The following DDX31 variants were observed in gnomAD, a reference collection of about 807,000 sequenced individuals.
DDX31 encodes the protein ATP-dependent DNA helicase DDX31.
DDX31 carries 70 observed loss-of-function variants against 91.3 expected under a neutral mutation model. That is an observed-to-expected ratio of 0.77 (90% CI 0.63 to 0.94). The LOEUF is 0.94. Ranked by LOEUF, DDX31 falls within the 40% of genes least tolerant of loss-of-function variation. The pLI, the probability that DDX31 is intolerant of heterozygous loss-of-function variation, is 0.00. For synonymous variants in DDX31, 362 were observed against 350.6 expected, an observed-to-expected ratio of 1.03 and a Z score of -0.36; for missense variants, 902 against 925.0, an observed-to-expected ratio of 0.98 and a Z score of 0.32.
Position 132,662,306 on chromosome 9 carries a change from C to T in DDX31, c.363G>A (p.Val121=). 6.2e-7 allele frequency: 1 copy of T among 1,614,204 alleles called. No homozygotes were observed. The highest frequency in any genetic ancestry group is 1.1e-5 in the South Asian group (1 of 91,084). Residue 121 remains valine, a synonymous_variant, in exon 3 of 20, where the codon GTG becomes GTA. Transcript: ENST00000372159. ...RPVVKQVQEK[V]FTSAAFHELG... ...GCTCATGAAAAGCAGCTGAAGTAAA[C>T]ACTTTTTCTTGCACCTGCTTTACCA... is the stretch of plus-strand genomic sequence containing the variant.
chr9:132,654,588 G>A (rs1237119967), intron 6 of DDX31, among the ~76,000 whole-genome samples: 2 of 152,262 alleles, frequency 1.3e-5, no homozygotes, highest in South Asian at 2.1e-4. Flanking sequence ...ACTCCAGCCT[G>A]GGCGACAGAG....
intron 1 of DDX31, among the ~76,000 whole-genome samples, chr9:132,669,271 C>T (rs1835549770): frequency 7.8e-6 from 1 of 128,606 alleles, no homozygotes; most frequent in Non-Finnish European, 1.6e-5. Flanking sequence ...CCCCAAAGAA[C>T]AGCTTTGCAA....
At chr9:132,619,456 G>A (rs990233551) in intron 17 of DDX31, among the ~76,000 whole-genome samples, 6 of 152,242 alleles carry the variant, frequency 3.9e-5, no homozygotes, top group South Asian at 2.1e-4. Flanking sequence ...GACGGTGTAT[G>A]AGCGCCTGCA....
At chr9:132,615,453 G>A (rs138687286) in intron 18 of DDX31, among the ~76,000 whole-genome samples, 1 of 152,264 alleles carries the variant, frequency 6.6e-6, no homozygotes, top group Non-Finnish European at 1.5e-5. Context: ...AAGGATGGAG[G>A]AAAAGGAGGT....
In DDX31 at chr9:132,593,408, C is replaced by T. The variant is rs529410039; in HGVS notation, c.*1458G>A. On this transcript the variant is annotated 3_prime_UTR_variant, in exon 20 of 20. Transcript: ENST00000372159. ...CCTTTTCTCATCCAAATCATGTGAA[C>T]CATTACACATCGAAATAAAAGAAAG... The T allele has an allele frequency of 3.3e-5, 5 of 152,310 alleles. No individual in the cohort carries two copies. Among genetic ancestry groups the T allele is most frequent in the African/African-American group, 1.2e-4 (5 of 41,550 alleles). 9.4% of individuals were successfully genotyped at this position (152,310 alleles called of 1,614,324 possible).
intron 1 of DDX31, among the ~76,000 whole-genome samples, chr9:132,665,043 T>C (rs528234286): frequency 5.3e-5 from 8 of 152,308 alleles, no homozygotes; most frequent in East Asian, 1.9e-4. Flanking sequence ...TTCTCCTCCA[T>C]AGCATTCGAC....
intron 16 of DDX31, among the ~76,000 whole-genome samples, chr9:132,630,017 G>T (rs566406443): frequency 1.3e-5 from 2 of 152,226 alleles, no homozygotes. Flanking sequence ...GAAACGAAAC[G>T]CAGCTCTCTA....
intron 19 of DDX31, among the ~76,000 whole-genome samples, chr9:132,607,918 T>C (rs1831111722): frequency 6.6e-6 from 1 of 152,218 alleles, no homozygotes; most frequent in African/African-American, 2.4e-5. Flanking sequence ...CGTGGCCCTA[T>C]TGAGCGTGCC....
At chr9:132,618,290 T>C in intron 18 of DDX31, 40 bp downstream of exon 18, 2 of 1,561,240 alleles carry the variant, frequency 1.3e-6, no homozygotes, top group African/African-American at 1.4e-5. Flanking sequence ...AGCACTCTGC[T>C]GGGCTATCCA....
intron 19 of DDX31, among the ~76,000 whole-genome samples, chr9:132,610,841 C>T (rs1175352891): frequency 2.0e-5 from 3 of 152,074 alleles, no homozygotes; most frequent in Non-Finnish European, 2.9e-5. Flanking sequence ...GGCTCGGAGA[C>T]GTTAAGAAAA....
At chr9:132,637,776 G>A in intron 14 of DDX31, 2 of 977,466 alleles carry the variant, frequency 2.0e-6, no homozygotes, top group Non-Finnish European at 2.4e-6. Context: ...TGAGTAAACA[G>A]CAAACAATCT....
rs1833812413 is a variant in DDX31, at chr9:132,646,011, A to G, written c.1264T>C (p.Tyr422His). 3.1e-6 allele frequency: 5 copies of G among 1,614,060 alleles called. No homozygotes were observed. Among genetic ancestry groups the G allele is most frequent in the African/African-American group, 1.3e-5 (1 of 74,920 alleles). Residue 422 changes from tyrosine (Y) to histidine (H), a missense_variant, in exon 13 of 20, where the codon TAC becomes CAC. Coordinates refer to ENST00000372159, the MANE Select transcript of DDX31 (RefSeq NM_022779.9). ...AGCAGGGTCTGTAGGAAGAGGCTGT[A>G]GTGGAACTCCACCAGCTCGCAACTT... ...FSSCELVEFH[Y>H]SLFLQTLLSS... is the part of the protein sequence containing the mutation.
At chr9:132,635,827 C>T (rs1833078288) in intron 14 of DDX31, among the ~76,000 whole-genome samples, 1 of 151,680 alleles carries the variant, frequency 6.6e-6, no homozygotes, top group Non-Finnish European at 1.5e-5. Context: ...GCCTGTAGTC[C>T]CAGCTACTTC....
intron 6 of DDX31, chr9:132,658,228 G>A (rs776390920): frequency 1.4e-6 from 1 of 699,734 alleles, no homozygotes; most frequent in Non-Finnish European, 2.6e-6. Context: ...ACAAGAGTAA[G>A]GAGCTTGGTC....
chr9:132,596,817 G>C (rs771094629), intron 19 of DDX31, among the ~76,000 whole-genome samples: 1 of 152,216 alleles, frequency 6.6e-6, no homozygotes, highest in Non-Finnish European at 1.5e-5. Flanking sequence ...ACTTCAGCAG[G>C]ACAGTGGGGC....
chr9:132,640,102 C>A (rs1833397154), intron 14 of DDX31, among the ~76,000 whole-genome samples: 1 of 152,192 alleles, frequency 6.6e-6, no homozygotes, highest in South Asian at 2.1e-4. Flanking sequence ...GCAAACAAAT[C>A]ACAGTCCTTG....
intron 1 of DDX31, among the ~76,000 whole-genome samples, chr9:132,664,185 C>T (rs558148513): frequency 7.2e-5 from 11 of 152,250 alleles, no homozygotes; most frequent in Non-Finnish European, 1.6e-4. Context: ...CTGAGGTATA[C>T]TTTCTGCAGC....
intron 16 of DDX31, 119 bp from the exon 17 acceptor site, chr9:132,625,864 C>T: frequency 1.5e-6 from 1 of 660,648 alleles, no homozygotes; most frequent in Non-Finnish European, 2.6e-6. Context: ...GTGACACCTT[C>T]CTAGGAAAGG....
intron 1 of DDX31, among the ~76,000 whole-genome samples, chr9:132,666,964 C>A (rs968397001): frequency 6.6e-6 from 1 of 152,148 alleles, no homozygotes; most frequent in Non-Finnish European, 1.5e-5. Context: ...CCACCGGCCT[C>A]GGCCTCCCAA....
Sources: allele counts gnomAD v4.1 joint callset (sites outside exome capture counted in the v4.1 genomes callset), GRCh38; gene constraint gnomAD v4.1.1; transcripts MANE v1.5; gene names NCBI Gene and HGNC (gene_info 2026-07-23, HGNC 2026-07-21).